Variants in SUPT3H observed in about 807,000 individuals in gnomAD.
SUPT3H encodes the protein transcription initiation protein SPT3 homolog.
Under a neutral mutation model 44.3 loss-of-function variants are expected in SUPT3H, and 44 were observed. The observed-to-expected ratio is 0.99, with a 90% CI of 0.78 to 1.28. The LOEUF (loss-of-function observed/expected upper bound fraction) is 1.28, where lower values mean the gene tolerates loss of function less well. Among genes scored for constraint, SUPT3H ranks in the 50% most tolerant of loss-of-function variants. SUPT3H has a pLI of 0.00. For synonymous variants in SUPT3H, 124 were observed against 125.6 expected (o/e 0.99, Z 0.09); for missense variants, 380 against 387.1 (o/e 0.98, Z 0.15).
chr6:44,843,754 G>A (rs1036850472), intron 10 of SUPT3H, among the ~76,000 whole-genome samples: 6 of 152,206 alleles, frequency 3.9e-5, no homozygotes, highest in African/African-American at 1.4e-4. Flanking sequence ...GAGATACTGT[G>A]TTAAGGGATC....
At chr6:45,051,825 G>A (rs1187994297) in intron 3 of SUPT3H, among the ~76,000 whole-genome samples, 2 of 152,144 alleles carry the variant, frequency 1.3e-5, no homozygotes, top group East Asian at 3.8e-4. Context: ...ACAATGGGAG[G>A]TGGTGATTGG....
chr6:44,934,557 C>T (rs1046609969), intron 9 of SUPT3H, among the ~76,000 whole-genome samples: 1 of 152,128 alleles, frequency 6.6e-6, no homozygotes, highest in Non-Finnish European at 1.5e-5. Context: ...GAAATCCAAG[C>T]CCACAAAGTG....
intron 10 of SUPT3H, among the ~76,000 whole-genome samples, chr6:44,905,613 G>A (rs1765902067): frequency 6.6e-6 from 1 of 151,980 alleles, no homozygotes; most frequent in Non-Finnish European, 1.5e-5. Context: ...TCAGTGTGGC[G>A]ATTCCTCAGG....
chr6:45,039,894 T>A (rs1379805667), intron 3 of SUPT3H, among the ~76,000 whole-genome samples: 6 of 152,110 alleles, frequency 3.9e-5, no homozygotes, highest in African/African-American at 1.2e-4. Flanking sequence ...TTGCTATGCT[T>A]GAATAAAATG....
chr6:44,944,999 T>C (rs1239237991), intron 9 of SUPT3H, among the ~76,000 whole-genome samples: 1 of 152,088 alleles, frequency 6.6e-6, no homozygotes, highest in Non-Finnish European at 1.5e-5. Flanking sequence ...GCAAGTCTTA[T>C]CAGTGCCATT....
chr6:45,230,686 A>ATATATATATATATATATAT (rs796866510), intron 2 of SUPT3H, among the ~76,000 whole-genome samples: 2 of 116,796 alleles, frequency 1.7e-5, no homozygotes, highest in African/African-American at 3.1e-5. Context: ...ATATATATAT[A>ATATATATATATATATATAT]TTTTTGAGAT....
At chr6:44,966,677 T>C (rs1013728208) in intron 6 of SUPT3H, among the ~76,000 whole-genome samples, 9 of 152,116 alleles carry the variant, frequency 5.9e-5, no homozygotes, top group Non-Finnish European at 1.3e-4. Flanking sequence ...TTGTACTCCC[T>C]TTAGGCTCTA....
intron 2 of SUPT3H, among the ~76,000 whole-genome samples, chr6:45,159,854 T>C (rs1036989764): frequency 6.6e-6 from 1 of 152,192 alleles, no homozygotes; most frequent in African/African-American, 2.4e-5. Context: ...CAAAAACAAT[T>C]ATTGGTCTGA....
At chr6:44,998,943 G>T (rs549887383) in intron 6 of SUPT3H, among the ~76,000 whole-genome samples, 59 of 151,830 alleles carry the variant, frequency 3.9e-4, no homozygotes, top group Non-Finnish European at 7.8e-4. Context: ...AATTTTATAT[G>T]GACTTTTCTC....
chr6:45,216,843 A>G lies in SUPT3H; in HGVS notation c.102-110837T>C, dbSNP rs543231041. 2.0e-5 allele frequency among the ~76,000 whole-genome samples: 3 copies of G among 152,298 alleles called. No homozygotes were observed. The South Asian group carries it at 6.2e-4, about 32-fold the overall frequency. ...TAACGAGAGAAACAGACTCCAATAC[A>G]TGTATGAGCCTGGAGGATATTATGT... On this transcript the variant is annotated intron_variant, in intron 2 of 10. Coordinates refer to ENST00000371459, the MANE Select transcript of SUPT3H (RefSeq NM_003599.4).
intron 2 of SUPT3H, among the ~76,000 whole-genome samples, chr6:45,171,839 T>A (rs959247131): frequency 2.1e-5 from 3 of 143,172 alleles, no homozygotes; most frequent in Non-Finnish European, 4.5e-5. Context: ...TGCCTCAGCC[T>A]CCTAAGTAGC....
chr6:44,894,037 TTCA>T (rs1404448872), intron 10 of SUPT3H, among the ~76,000 whole-genome samples: 4 of 138,050 alleles, frequency 2.9e-5, no homozygotes, highest in African/African-American at 1.0e-4. Context: ...GAAGTGTCTG[TTCA>T]TGTCCTTCGC....
chr6:45,179,680 G>A (rs377497765), intron 2 of SUPT3H, among the ~76,000 whole-genome samples: 43 of 152,072 alleles, frequency 2.8e-4, no homozygotes, highest in African/African-American at 5.1e-4. Context: ...ATTCAACAAC[G>A]CTTCATGCTA....
At chr6:45,167,575 T>TC (rs1026922462) in intron 2 of SUPT3H, among the ~76,000 whole-genome samples, 6 of 152,314 alleles carry the variant, frequency 3.9e-5, no homozygotes, top group African/African-American at 1.4e-4. Flanking sequence ...GTTTTGATCA[T>TC]CTGTATCTTT....
chr6:44,949,280 A>C (rs1451231112), intron 9 of SUPT3H, among the ~76,000 whole-genome samples: 1 of 152,142 alleles, frequency 6.6e-6, no homozygotes, highest in Non-Finnish European at 1.5e-5. Flanking sequence ...TACGAGACAT[A>C]CCTAGTGTAA....
chr6:45,154,259 G>A (rs966488459), intron 2 of SUPT3H, among the ~76,000 whole-genome samples: 1 of 151,976 alleles, frequency 6.6e-6, no homozygotes, highest in Non-Finnish European at 1.5e-5. Context: ...AGGATTCTAG[G>A]AAGTGTTTGA....
intron 10 of SUPT3H, among the ~76,000 whole-genome samples, chr6:44,884,270 G>C (rs1002587403): frequency 2.6e-5 from 4 of 152,136 alleles, no homozygotes; most frequent in Non-Finnish European, 5.9e-5. Context: ...ATCATCACTG[G>C]TCATTAGAGA....
At chr6:45,290,780 A>G (rs747945633) in intron 2 of SUPT3H, among the ~76,000 whole-genome samples, 1 of 152,112 alleles carries the variant, frequency 6.6e-6, no homozygotes, top group African/African-American at 2.4e-5. Context: ...GACTTACTCT[A>G]TGTACTAAGT....
chr6:44,888,800 C>T (rs577483006), intron 10 of SUPT3H, among the ~76,000 whole-genome samples: 4 of 151,984 alleles, frequency 2.6e-5, no homozygotes, highest in Admixed American at 1.3e-4. Flanking sequence ...AAAGGGTATT[C>T]AATTAGGAAA....
Sources: allele counts gnomAD v4.1 joint callset (sites outside exome capture counted in the v4.1 genomes callset), GRCh38; gene constraint gnomAD v4.1.1; transcripts MANE v1.5; gene names NCBI Gene and HGNC (gene_info 2026-07-23, HGNC 2026-07-21).